Variants in RGSL1 observed in about 807,000 individuals in gnomAD.
RGSL1 encodes the protein regulator of G protein signaling protein-like.
A neutral mutation model predicts 124.7 loss-of-function variants in RGSL1; 97 were observed. The observed-to-expected ratio is 0.78, with a 90% confidence interval of 0.66 to 0.92. The LOEUF is 0.92. RGSL1 is among the 40% of genes least tolerant of loss of function. The pLI, the probability that RGSL1 is intolerant of heterozygous loss-of-function variation, is 0.00. For synonymous variants in RGSL1, 424 were observed against 438.1 expected (o/e 0.97, Z 0.40); for missense variants, 1,233 against 1,288.4 (o/e 0.96, Z 0.66).
chr1:182,494,392 G>A lies in RGSL1; in HGVS notation c.1825+1263G>A, dbSNP rs930982432. Among the ~76,000 whole-genome samples the A allele has an allele frequency of 2.0e-5, 3 of 152,198 alleles. No individual in the cohort carries two copies. The South Asian group carries it at 6.2e-4, about 31-fold the overall frequency. ...TCTAGACTGGCACTGTCCATTACAG[G>A]AGCCACTAGCCCCATGTGGCCACTG... is the stretch of plus-strand genomic sequence containing the variant. On this transcript the variant is annotated intron_variant, in intron 9 of 21. Transcript: ENST00000294854.
intron 9 of RGSL1, among the ~76,000 whole-genome samples, chr1:182,504,573 C>A (rs1656672062): frequency 7.3e-6 from 1 of 136,888 alleles, no homozygotes; most frequent in African/African-American, 2.7e-5. Flanking sequence ...AAATTAGATT[C>A]TCCCAAGGAA....
At chr1:182,479,446 A>G (rs1181144882) in intron 6 of RGSL1, among the ~76,000 whole-genome samples, 1 of 152,192 alleles carries the variant, frequency 6.6e-6, no homozygotes, top group Non-Finnish European at 1.5e-5. Context: ...CAGATTTATG[A>G]CTATAAAATG....
chr1:182,450,323 T>C, intron 1 of RGSL1, 145 bp downstream of exon 1: 1 of 864,086 alleles, frequency 1.2e-6, no homozygotes, highest in South Asian at 1.5e-5. Flanking sequence ...TTTCCTTCTC[T>C]TTCTCCTTCT....
chr1:182,548,719 AG>A lies in RGSL1; in HGVS notation c.2829del (p.Lys944ArgfsTer13), dbSNP rs1182418148. 5 of 1,551,530 alleles carry A rather than the reference AG, an allele frequency of 3.2e-6. No individual in the cohort carries two copies. The highest frequency in any genetic ancestry group is 4.4e-6 in the Non-Finnish European group (5 of 1,146,984). On this transcript the variant is annotated frameshift_variant, in exon 17 of 22. Coordinates refer to ENST00000294854, the MANE Select transcript of RGSL1 (RefSeq NM_001137669.2). LOFTEE classifies it high-confidence loss of function. ...GGGTAGGTGAATGTCCCTGAGTTCC[AG>A]AAGGATGCCATCCTTGCTGCCATCA... ...PKLRVNVPEF[Q>X]KDAILAAITE...
intron 6 of RGSL1, among the ~76,000 whole-genome samples, chr1:182,482,692 A>G (rs1654801588): frequency 2.0e-5 from 3 of 152,242 alleles, no homozygotes; most frequent in Admixed American, 2.0e-4. Flanking sequence ...TGGTGTGACC[A>G]GTATGGAAAA....
chr1:182,533,769 A>G (rs780958900), intron 14 of RGSL1, among the ~76,000 whole-genome samples: 5 of 152,216 alleles, frequency 3.3e-5, no homozygotes, highest in African/African-American at 4.8e-5. Context: ...TGCTATTATT[A>G]TATAATTGTG....
chr1:182,502,099 T>C (rs1203725598), intron 9 of RGSL1, among the ~76,000 whole-genome samples: 1 of 152,242 alleles, frequency 6.6e-6, no homozygotes, highest in African/African-American at 2.4e-5. Flanking sequence ...CTGATGTTAA[T>C]AATTTAATTC....
chr1:182,470,881 A>T (rs1386842324), intron 4 of RGSL1, among the ~76,000 whole-genome samples: 1 of 152,190 alleles, frequency 6.6e-6, no homozygotes, highest in Non-Finnish European at 1.5e-5. Context: ...CCCCAGGAAA[A>T]TTTAAGATTC....
chr1:182,548,655 T>C, intron 16 of RGSL1, 45 bp from the exon 17 acceptor site: 1 of 1,547,330 alleles, frequency 6.5e-7, no homozygotes. Context: ...TTTTCTGCCT[T>C]CCCGTGGAGC....
chr1:182,523,481 G>T (rs925769569), intron 10 of RGSL1, among the ~76,000 whole-genome samples: 3 of 152,008 alleles, frequency 2.0e-5, no homozygotes, highest in Non-Finnish European at 2.9e-5. Context: ...TTTCTAATTT[G>T]TCCTAGTCAC....
intron 7 of RGSL1, 180 bp from the exon 8 acceptor site, chr1:182,488,800 G>T (rs927086959): frequency 4.2e-5 from 19 of 452,404 alleles, no homozygotes; most frequent in Admixed American, 8.0e-5. Flanking sequence ...TATAGAAAAT[G>T]AGTTTGATTA....
At chr1:182,553,068 C>CTAATTT (rs145560059) in intron 18 of RGSL1, among the ~76,000 whole-genome samples, 1,997 of 152,260 alleles carry the variant, frequency 0.013, 20 homozygotes, top group Middle Eastern at 0.031. Flanking sequence ...CCATGCCCAG[C>CTAATTT]TAATTTTATA....
At chr1:182,451,203 T>C (rs1651793359) in intron 1 of RGSL1, among the ~76,000 whole-genome samples, 1 of 151,558 alleles carries the variant, frequency 6.6e-6, no homozygotes, top group Non-Finnish European at 1.5e-5. Context: ...TATTCCACAT[T>C]TACAGAACTT....
chr1:182,465,874 A>T (rs1171270153), intron 4 of RGSL1, among the ~76,000 whole-genome samples: 1 of 152,188 alleles, frequency 6.6e-6, no homozygotes, highest in Non-Finnish European at 1.5e-5. Context: ...AGAAAAGTAT[A>T]GGCCAATATT....
intron 9 of RGSL1, among the ~76,000 whole-genome samples, chr1:182,508,301 T>G (rs1656994409): frequency 1.4e-5 from 2 of 138,134 alleles, no homozygotes; most frequent in South Asian, 4.8e-4. Flanking sequence ...TTTTTTTTTT[T>G]TTTTTTTTTT....
At chr1:182,535,656 C>G (rs1659488434) in intron 14 of RGSL1, among the ~76,000 whole-genome samples, 2 of 152,198 alleles carry the variant, frequency 1.3e-5, no homozygotes, top group Admixed American at 6.5e-5. Context: ...TAATTTCTCC[C>G]TGATTCTACA....
intron 6 of RGSL1, among the ~76,000 whole-genome samples, chr1:182,479,560 G>A (rs924541975): frequency 6.6e-6 from 1 of 152,008 alleles, no homozygotes; most frequent in African/African-American, 2.4e-5. Context: ...AATCACAAAG[G>A]AAGGACAGCA....
chr1:182,528,826 T>C (rs745822684), intron 11 of RGSL1, among the ~76,000 whole-genome samples: 21 of 152,156 alleles, frequency 1.4e-4, no homozygotes, highest in Non-Finnish European at 1.2e-4. Context: ...GGGTAATTTA[T>C]GAAGAAAAGA....
chr1:182,507,356 A>G (rs1055726393), intron 9 of RGSL1: 2 of 152,156 alleles, frequency 1.3e-5, no homozygotes, highest in African/African-American at 4.8e-5. Context: ...ATTTATACTC[A>G]TTAATCAATA....
Sources: allele counts gnomAD v4.1 joint callset (sites outside exome capture counted in the v4.1 genomes callset), GRCh38; gene constraint gnomAD v4.1.1; transcripts MANE v1.5; gene names NCBI Gene and HGNC (gene_info 2026-07-23, HGNC 2026-07-21).